The following TOX3 variants were observed in gnomAD, a reference collection of about 807,000 sequenced individuals.
TOX3 encodes the protein TOX high mobility group box family member 3.
In TOX3, 22 loss-of-function variants were observed where a neutral mutation model predicts 64.3. That is an observed-to-expected ratio of 0.34 (90% CI 0.24 to 0.49). TOX3 has a LOEUF of 0.49. Ranked by LOEUF, TOX3 falls within the 20% of genes least tolerant of loss-of-function variation. The pLI, the probability that TOX3 is intolerant of heterozygous loss-of-function variation, is 0.99. For missense variants in TOX3, 661 were observed against 714.4 expected, an observed-to-expected ratio of 0.93 and a Z score of 0.85; for synonymous variants, 291 against 273.6, an observed-to-expected ratio of 1.06 and a Z score of -0.63.
intron 2 of TOX3, among the ~76,000 whole-genome samples, chr16:52,465,305 T>C (rs1960827850): frequency 6.6e-6 from 1 of 151,956 alleles, no homozygotes; most frequent in South Asian, 2.1e-4. Context: ...TGAGCCACCG[T>C]GCCCAGCCAA....
At chr16:52,530,942 G>C (rs1051909368) in intron 1 of TOX3, among the ~76,000 whole-genome samples, 2 of 152,128 alleles carry the variant, frequency 1.3e-5, no homozygotes, top group Non-Finnish European at 2.9e-5. Flanking sequence ...CCTGTTTAAA[G>C]CTCCACTGTT....
At chr16:52,519,726 C>T (rs1319816837) in intron 1 of TOX3, 7 of 619,942 alleles carry the variant, frequency 1.1e-5, no homozygotes, top group African/African-American at 1.8e-5. Context: ...GGGAGGCCAA[C>T]ACAGCAGGAG....
At position 52,438,933 on chromosome 16, in the gene TOX3, T is replaced by C. The variant is rs763114363; in HGVS notation, c.*292A>G. The stretch of plus-strand genomic sequence containing the variant: ...AGTCATCAGTATGTCCCAGGATTCA[T>C]TAAACAGTTTGATTCACATATTGTA... On this transcript the variant is annotated 3_prime_UTR_variant, in exon 7 of 7. Coordinates refer to ENST00000219746, the MANE Select transcript of TOX3 (RefSeq NM_001080430.4). 5.3e-6 allele frequency: 3 copies of C among 569,884 alleles called. No individual in the cohort carries two copies. The highest frequency in any genetic ancestry group is 4.6e-5 in the East Asian group (1 of 21,964). The allele number at this position is 569,884 out of a possible 1,614,324, so 35.3% of individuals were successfully genotyped here.
chr16:52,546,574 C>T, intron 1 of TOX3, 63 bp downstream of exon 1: 2 of 1,468,942 alleles, frequency 1.4e-6, no homozygotes, highest in Non-Finnish European at 1.8e-6. Context: ...AGCCCGAGCG[C>T]GGGGCGCGCC....
intron 1 of TOX3, among the ~76,000 whole-genome samples, chr16:52,479,292 A>C (rs1470876501): frequency 6.6e-6 from 1 of 152,214 alleles, no homozygotes; most frequent in Admixed American, 6.5e-5. Context: ...ATGAAGATGT[A>C]TGCATTCTAG....
At chr16:52,469,213 G>A (rs1008766934) in intron 1 of TOX3, among the ~76,000 whole-genome samples, 4 of 152,164 alleles carry the variant, frequency 2.6e-5, no homozygotes, top group African/African-American at 9.7e-5. Flanking sequence ...AAATAAGCGG[G>A]ATCTCATGAA....
At chr16:52,541,964 A>T (rs1375508085) in intron 1 of TOX3, among the ~76,000 whole-genome samples, 1 of 152,264 alleles carries the variant, frequency 6.6e-6, no homozygotes, top group Non-Finnish European at 1.5e-5. Context: ...CCAGAAAACT[A>T]CAAAATTACA....
chr16:52,476,234 A>G (rs532201032), intron 1 of TOX3, among the ~76,000 whole-genome samples: 1 of 152,208 alleles, frequency 6.6e-6, no homozygotes, highest in Non-Finnish European at 1.5e-5. Flanking sequence ...TTCTTCAACA[A>G]GTTCTGTGGA....
At chr16:52,485,554 G>A (rs1961508402) in intron 1 of TOX3, among the ~76,000 whole-genome samples, 1 of 151,992 alleles carries the variant, frequency 6.6e-6, no homozygotes, top group African/African-American at 2.4e-5. Flanking sequence ...TGGGTAACAG[G>A]TACATTAGAA....
At chr16:52,459,489 G>A (rs1960625477) in intron 3 of TOX3, among the ~76,000 whole-genome samples, 2 of 151,944 alleles carry the variant, frequency 1.3e-5, no homozygotes, top group African/African-American at 4.8e-5. Flanking sequence ...CCTTTACATT[G>A]TTAATTTATA....
chr16:52,534,342 C>T (rs1962907319), intron 1 of TOX3, among the ~76,000 whole-genome samples: 1 of 152,078 alleles, frequency 6.6e-6, no homozygotes, highest in African/African-American at 2.4e-5. Context: ...AGGTTACATA[C>T]AAAGTCAAAG....
rs1011475335 is a variant in TOX3 at position 52,436,420 on chromosome 16, T to G, written c.*2805A>C. ...CAGATACCACATTTCTCATGTCTAT[T>G]TTTCATTATCCTGATTTATTTCTGA... is the stretch of plus-strand genomic sequence containing the variant. On this transcript the variant is annotated 3_prime_UTR_variant, in exon 7 of 7. Transcript: ENST00000219746. Among the ~76,000 whole-genome samples, 4 of 152,056 alleles carry G rather than the reference T, an allele frequency of 2.6e-5. No individual in the cohort carries two copies. Among genetic ancestry groups the G allele is most frequent in the Non-Finnish European group, 5.9e-5 (4 of 68,024 alleles).
At chr16:52,528,656 C>T (rs1433689259) in intron 1 of TOX3, among the ~76,000 whole-genome samples, 1 of 152,152 alleles carries the variant, frequency 6.6e-6, no homozygotes, top group Non-Finnish European at 1.5e-5. Context: ...CTTAGATAAG[C>T]AGAACCAACC....
At chr16:52,465,929 G>C (rs924068307) in intron 2 of TOX3, among the ~76,000 whole-genome samples, 7 of 152,142 alleles carry the variant, frequency 4.6e-5, no homozygotes, top group Non-Finnish European at 7.3e-5. Flanking sequence ...TCTGACACAT[G>C]CATTCTAATA....
At chr16:52,459,590 C>G (rs150017108) in intron 3 of TOX3, among the ~76,000 whole-genome samples, 6 of 152,176 alleles carry the variant, frequency 3.9e-5, no homozygotes, top group Non-Finnish European at 7.4e-5. Context: ...AATTGCTTGT[C>G]CCCCCATGGC....
rs544610654 is a variant in TOX3 at position 52,468,521 on chromosome 16, G to A, written c.141C>T (p.Phe47=). 65 of 1,612,968 alleles carry A rather than the reference G, an allele frequency of 4.0e-5. No homozygotes were observed. The Middle Eastern group carries it at 6.6e-4, about 16-fold the overall frequency. ...GACAGTCACCTACCTCACTGGCAGC[G>A]AAGAACGCATTGTTCGCCTCAGCCA... The part of the protein sequence containing the change: ...MNMAEANNAF[F]AASEQTFHTP... Residue 47 remains phenylalanine, a synonymous_variant, in exon 2 of 7, where the codon TTC becomes TTT. Coordinates refer to ENST00000219746, the MANE Select transcript of TOX3 (RefSeq NM_001080430.4).
chr16:52,479,725 G>A (rs1044396057), intron 1 of TOX3, among the ~76,000 whole-genome samples: 31 of 152,168 alleles, frequency 2.0e-4, no homozygotes, highest in African/African-American at 7.0e-4. Context: ...GGAAAGATAT[G>A]ACATGCAAGC....
At chr16:52,521,299 C>T (rs988220104) in intron 1 of TOX3, among the ~76,000 whole-genome samples, 9 of 152,196 alleles carry the variant, frequency 5.9e-5, no homozygotes, top group African/African-American at 1.7e-4. Flanking sequence ...AATCAAGCTA[C>T]AGCCTACCAA....
At chr16:52,469,923 G>A (rs1049027089) in intron 1 of TOX3, among the ~76,000 whole-genome samples, 4 of 152,140 alleles carry the variant, frequency 2.6e-5, no homozygotes, top group Admixed American at 2.6e-4. Flanking sequence ...TGGTTCCAGA[G>A]TATCCCACAA....
Sources: gnomAD v4.1 joint callset for allele counts (sites outside exome capture counted in the v4.1 genomes callset) on GRCh38, gnomAD v4.1.1 for gene constraint, MANE v1.5 for transcripts, NCBI Gene and HGNC (gene_info 2026-07-23, HGNC 2026-07-21) for gene names.